The following PTBP3 variants were observed in gnomAD, a reference collection of about 807,000 sequenced individuals.
PTBP3 encodes polypyrimidine tract-binding protein 3.
Under a neutral mutation model 58.7 loss-of-function variants are expected in PTBP3, and 20 were observed. The observed-to-expected ratio is 0.34, with a 90% CI of 0.24 to 0.50. The LOEUF (loss-of-function observed/expected upper bound fraction) is 0.50. Ranked by LOEUF, PTBP3 falls within the 20% of genes least tolerant of loss-of-function variation. PTBP3 has a pLI of 0.98. For synonymous variants in PTBP3, 185 were observed against 219.8 expected (o/e 0.84, Z 1.40); for missense variants, 509 against 637.2 (o/e 0.80, Z 2.17).
chr9:112,273,926 C>T (rs1316660557), intron 3 of PTBP3, among the ~76,000 whole-genome samples: 5 of 152,120 alleles, frequency 3.3e-5, no homozygotes, highest in Admixed American at 6.5e-5. Context: ...GTTAGCTTAC[C>T]GATAAAAATA....
chr9:112,319,249 AAGACACAG>A (rs1298175658), intron 1 of PTBP3, among the ~76,000 whole-genome samples: 2 of 152,102 alleles, frequency 1.3e-5, no homozygotes, highest in Non-Finnish European at 2.9e-5. Flanking sequence ...ACGGAAATTG[AAGACACAG>A]CCAGGAGCAG....
chr9:112,264,070 A>G (rs1337265843), intron 4 of PTBP3, among the ~76,000 whole-genome samples: 2 of 152,132 alleles, frequency 1.3e-5, no homozygotes, highest in Non-Finnish European at 2.9e-5. Context: ...TGGGTAACAA[A>G]CTCTTTGGAA....
At chr9:112,278,848 C>T (rs1212383021) in intron 2 of PTBP3, among the ~76,000 whole-genome samples, 1 of 152,160 alleles carries the variant, frequency 6.6e-6, no homozygotes, top group Non-Finnish European at 1.5e-5. Flanking sequence ...ATTTTAAATG[C>T]TCAGCACAAC....
intron 7 of PTBP3, among the ~76,000 whole-genome samples, chr9:112,241,043 A>C (rs1350156398): frequency 6.6e-6 from 1 of 152,132 alleles, no homozygotes; most frequent in African/African-American, 2.4e-5. Context: ...TAAAATTAAG[A>C]GTTTATGAAG....
chr9:112,347,009 T>G, the PTBP3 span, among the ~76,000 whole-genome samples: 1 of 152,144 alleles, frequency 6.6e-6, no homozygotes, highest in Non-Finnish European at 1.5e-5. Context: ...CAGGCCACTT[T>G]AGCAATTATA....
the PTBP3 span, among the ~76,000 whole-genome samples, chr9:112,375,535 CTGTCAACTGATCA>C: frequency 2.0e-5 from 3 of 152,140 alleles, no homozygotes; most frequent in African/African-American, 7.2e-5. Context: ...TTCTCTTCCT[CTGTCAACTGATCA>C]TGTCAACTGA....
intron 2 of PTBP3, among the ~76,000 whole-genome samples, chr9:112,281,520 T>C (rs1827866313): frequency 6.6e-6 from 1 of 152,214 alleles, no homozygotes; most frequent in Admixed American, 6.5e-5. Flanking sequence ...TCATGAAGGA[T>C]ATTAATCTGT....
At chr9:112,316,950 C>G (rs553971417) in intron 1 of PTBP3, among the ~76,000 whole-genome samples, 47 of 141,508 alleles carry the variant, frequency 3.3e-4, no homozygotes, top group African/African-American at 1.2e-3. Flanking sequence ...CCAGGTTGGG[C>G]GACAAAGTGA....
intron 1 of PTBP3, among the ~76,000 whole-genome samples, chr9:112,308,060 C>A (rs964361249): frequency 5.9e-5 from 9 of 152,298 alleles, no homozygotes; most frequent in African/African-American, 2.2e-4. Flanking sequence ...TTAAACATTC[C>A]CTTTTTTTGA....
chr9:112,262,402 T>A, intron 5 of PTBP3, 33 bp downstream of exon 5: 1 of 1,504,944 alleles, frequency 6.6e-7, no homozygotes, highest in Non-Finnish European at 8.9e-7. Context: ...CATATTTAAC[T>A]TAACTTTCTT....
chr9:112,290,686 AAATAT>A (rs1360019224), intron 2 of PTBP3, among the ~76,000 whole-genome samples: 40 of 59,840 alleles, frequency 6.7e-4, no homozygotes, highest in African/African-American at 3.5e-3. Context: ...AAAAAAAAAA[AAATAT>A]ATATATATAT....
At chr9:112,359,026 C>T in the PTBP3 span, among the ~76,000 whole-genome samples, 1 of 152,168 alleles carries the variant, frequency 6.6e-6, no homozygotes, top group African/African-American at 2.4e-5. Context: ...TTTGTAGAGA[C>T]AGTCTCCCAA....
chr9:112,220,434 TCTC>T lies in PTBP3; in HGVS notation c.*3414_*3416del, dbSNP rs1395633821. ...AGCAGAGGCATTCATAGGAGCCACT[TCTC>T]ATCAACTAAAACAGAACCCATGATT... On this transcript the variant is annotated 3_prime_UTR_variant, in exon 14 of 14. Transcript: ENST00000374257. 1 of 1,170,480 alleles carries T rather than the reference TCTC, an allele frequency of 8.5e-7. No homozygotes were observed. The highest frequency in any genetic ancestry group is 1.1e-6 in the Non-Finnish European group (1 of 934,032). 72.5% of individuals were successfully genotyped at this position (1,170,480 alleles called of 1,614,324 possible).
chr9:112,375,623 C>T, the PTBP3 span, among the ~76,000 whole-genome samples: 2 of 152,146 alleles, frequency 1.3e-5, no homozygotes, highest in African/African-American at 2.4e-5. Flanking sequence ...GGCAGGGTGG[C>T]ACGAGCGGAG....
Position 112,333,592 on chromosome 9 carries a change from C to T in PTBP3, c.-174G>A. ...CAAGCGAGCTTTGGCTCTGCGGAGC[C>T]CCGGCCGGTCCGAGGTGGAAGGAGA... On this transcript the variant is annotated 5_prime_UTR_variant, in exon 1 of 14. Coordinates refer to ENST00000374257, the MANE Select transcript of PTBP3 (RefSeq NM_001163788.4). 1 of 1,312,566 alleles carries T rather than the reference C, an allele frequency of 7.6e-7. No individual in the cohort carries two copies. Among genetic ancestry groups the T allele is most frequent in the South Asian group, 1.3e-5 (1 of 78,708 alleles). The allele number at this position is 1,312,566 out of a possible 1,614,324, so 81.3% of individuals were successfully genotyped here. A position where few individuals can be genotyped will look rare whatever the true frequency, so the allele number is the denominator to read the frequency against.
Position 112,333,564 on chromosome 9 carries a change from G to T in PTBP3, c.-146C>A. The T allele has an allele frequency of 6.7e-7, 1 of 1,493,294 alleles. No individual in the cohort carries two copies. Among genetic ancestry groups the T allele is most frequent in the Non-Finnish European group, 9.2e-7 (1 of 1,091,206 alleles). The allele number at this position is 1,493,294 out of a possible 1,614,324, so 92.5% of individuals were successfully genotyped here. A position where few individuals can be genotyped will look rare whatever the true frequency, so the allele number is the denominator to read the frequency against. On this transcript the variant is annotated 5_prime_UTR_variant, in exon 1 of 14. Transcript: ENST00000374257. The stretch of plus-strand genomic sequence containing the variant: ...GGCGGCGGCAGCAGGGCGGTTCCGG[G>T]GACAAGCGAGCTTTGGCTCTGCGGA...
chr9:112,339,151 C>T, the PTBP3 span, among the ~76,000 whole-genome samples: 5 of 151,986 alleles, frequency 3.3e-5, no homozygotes, highest in East Asian at 1.9e-4. Flanking sequence ...ATTAGCCAGG[C>T]GTGGTGGCTC....
At chr9:112,335,028 A>C (rs757458056), upstream of PTBP3, among the ~76,000 whole-genome samples, 10 of 152,370 alleles carry the variant, frequency 6.6e-5, no homozygotes, top group South Asian at 2.1e-3. Flanking sequence ...AATATCAACA[A>C]GATAAGTAGC....
At chr9:112,335,615 T>C (rs1375473900), upstream of PTBP3, among the ~76,000 whole-genome samples, 4 of 143,060 alleles carry the variant, frequency 2.8e-5, no homozygotes, top group African/African-American at 1.0e-4. Flanking sequence ...TTTTTTTTTT[T>C]TTTTCACCTA....
Sources: allele counts gnomAD v4.1 joint callset (sites outside exome capture counted in the v4.1 genomes callset), GRCh38; gene constraint gnomAD v4.1.1; transcripts MANE v1.5; gene names NCBI Gene and HGNC (gene_info 2026-07-23, HGNC 2026-07-21).